PTPRQ: variants seen among roughly 807,000 people sequenced by gnomAD.
The protein encoded by PTPRQ is phosphatidylinositol phosphatase PTPRQ.
In PTPRQ, 199 loss-of-function variants were observed where a neutral mutation model predicts 246.0. The observed-to-expected ratio is 0.81, with a 90% CI of 0.72 to 0.91. The LOEUF (loss-of-function observed/expected upper bound fraction) is 0.91, where lower values mean the gene tolerates loss of function less well. PTPRQ is among the 40% of genes least tolerant of loss of function. The probability of loss-of-function intolerance (pLI) is 0.00; values close to 1 mark genes in which losing one functional copy is unlikely to be tolerated. For synonymous variants in PTPRQ, 869 were observed against 853.2 expected (o/e 1.02, Z -0.32); for missense variants, 2,624 against 2,528.4 (o/e 1.04, Z -0.81).
chr12:80,616,108 C>A, intron 29 of PTPRQ, 92 bp from the exon 30 acceptor site: 1 of 667,860 alleles, frequency 1.5e-6, no homozygotes, highest in Non-Finnish European at 2.0e-6. Context: ...TATATATATA[C>A]ATACATATAT....
In PTPRQ at chr12:80,480,987, C is replaced by T. The variant is rs1440757498; in HGVS notation, c.1187-3446C>T. Among the ~76,000 whole-genome samples the T allele has an allele frequency of 3.3e-5, 5 of 152,048 alleles. No homozygotes were observed. In the South Asian group the frequency reaches 6.2e-4, roughly 19 times the overall value. ...CCATTCCTTCTGAAACTATTCCAAT[C>T]AATAGAAAAAGAGGGAATCCTCCCT... On this transcript the variant is annotated intron_variant, in intron 8 of 44. Transcript: ENST00000644991.
At chr12:80,513,704 C>T (rs1026541264) in intron 17 of PTPRQ, among the ~76,000 whole-genome samples, 1 of 152,082 alleles carries the variant, frequency 6.6e-6, no homozygotes, top group African/African-American at 2.4e-5. Context: ...TCGTGAGAAA[C>T]GTCACCTGAC....
At chr12:80,470,424 G>C (rs144268101) in intron 7 of PTPRQ, among the ~76,000 whole-genome samples, 1 of 152,300 alleles carries the variant, frequency 6.6e-6, no homozygotes, top group African/African-American at 2.4e-5. Context: ...TATTAGTTGG[G>C]AGTGAAGATA....
At position 80,510,355 on chromosome 12, in the gene PTPRQ, A is replaced by G. The variant is rs1895087722; in HGVS notation, c.2590A>G (p.Lys864Glu). 6.5e-7 allele frequency: 1 copy of G among 1,550,084 alleles called. No individual in the cohort carries two copies. Among genetic ancestry groups the G allele is most frequent in the Non-Finnish European group, 8.7e-7 (1 of 1,145,922 alleles). ...TTCTCCCCCTCAAGACTTCTCTGTA[A>G]AACAGTTGTCTGGTGTCACGGTGAA... ...PDSPPQDFSV[K>E]QLSGVTVKLS... The change falls in exon 17 of 45, where the codon AAA becomes GAA. Residue 864 changes from lysine (K) to glutamate (E), a missense_variant. Coordinates refer to ENST00000644991, the MANE Select transcript of PTPRQ (RefSeq NM_001145026.2).
At chr12:80,494,821 A>T in intron 10 of PTPRQ, 112 bp from the exon 11 acceptor site, 1 of 1,117,594 alleles carries the variant, frequency 8.9e-7, no homozygotes, top group East Asian at 2.6e-5. Context: ...GCATGGAGAG[A>T]TTAATGAATA....
chr12:80,615,677 A>G (rs888555599), intron 29 of PTPRQ, among the ~76,000 whole-genome samples: 1 of 151,136 alleles, frequency 6.6e-6, no homozygotes, highest in African/African-American at 2.4e-5. Flanking sequence ...GATTTAATAC[A>G]GGAAAACTGG....
At chr12:80,626,324 TA>T (rs1414882966) in intron 33 of PTPRQ, among the ~76,000 whole-genome samples, 11 of 152,200 alleles carry the variant, frequency 7.2e-5, no homozygotes, top group African/African-American at 2.7e-4. Flanking sequence ...GTTAGTTACT[TA>T]AAAAATTATT....
chr12:80,483,738 C>A (rs537558854), intron 8 of PTPRQ, among the ~76,000 whole-genome samples: 5 of 151,896 alleles, frequency 3.3e-5, no homozygotes, highest in Non-Finnish European at 7.4e-5. Flanking sequence ...TCCCCTAGCC[C>A]CCCACCCACC....
intron 25 of PTPRQ, among the ~76,000 whole-genome samples, chr12:80,550,705 G>GA (rs548907099): frequency 1.3e-5 from 2 of 151,918 alleles, no homozygotes; most frequent in Admixed American, 6.6e-5. Context: ...ATATTTCTAG[G>GA]AAAAAATAGA....
At chr12:80,621,495 C>CT (rs1168077494) in intron 32 of PTPRQ, among the ~76,000 whole-genome samples, 1 of 151,752 alleles carries the variant, frequency 6.6e-6, no homozygotes, top group Middle Eastern at 3.2e-3. Flanking sequence ...ATCTTAGATT[C>CT]TTTTTGTAAT....
Position 80,676,293 on chromosome 12 carries a change from A to ACTG in PTPRQ, c.6739-2308_6739-2306dup. Among the ~76,000 whole-genome samples the ACTG allele has an allele frequency of 1.3e-5, 2 of 152,276 alleles. 1 individual carries two copies. The highest frequency in any genetic ancestry group is 2.9e-5 in the Non-Finnish European group (2 of 68,008). On this transcript the variant is annotated intron_variant, in intron 43 of 44. Transcript: ENST00000644991. ...CAGCAATATACTGCCACTAAAAGGC[A>ACTG]CTGAGGTGTATAGCCCTTACCCAGG...
intron 25 of PTPRQ, among the ~76,000 whole-genome samples, chr12:80,554,485 T>A (rs770131913): frequency 4.0e-4 from 61 of 152,172 alleles, no homozygotes; most frequent in Admixed American, 2.0e-3. Flanking sequence ...CCAGAGCTCT[T>A]CCAAGCTCCA....
chr12:80,452,162 T>C (rs1423258082), intron 3 of PTPRQ, among the ~76,000 whole-genome samples: 2 of 130,226 alleles, frequency 1.5e-5, no homozygotes, highest in Non-Finnish European at 3.2e-5. Flanking sequence ...TTAAAGTCTG[T>C]TTTATCAGAG....
rs377516998 is a variant in PTPRQ, at chr12:80,619,651, TG to T, written c.5389+110del. The T allele has an allele frequency of 3.2e-4, 263 of 823,184 alleles. 1 individual carries two copies. The African/African-American group carries it at 4.2e-3, about 13-fold the overall frequency. 51.0% of individuals were successfully genotyped at this position (823,184 alleles called of 1,614,324 possible). On this transcript the variant is annotated intron_variant, in intron 31 of 44. Transcript: ENST00000644991. ...TGACTCCCAGTTATCACACACCTCT[TG>T]AGATTAATAGATTGTCAATATTATT...
intron 25 of PTPRQ, among the ~76,000 whole-genome samples, chr12:80,563,544 C>A (rs1180860010): frequency 1.3e-5 from 2 of 152,164 alleles, no homozygotes; most frequent in African/African-American, 4.8e-5. Flanking sequence ...CAGACCAAAG[C>A]AGTTTTCTTT....
chr12:80,658,115 T>G (rs918117992), intron 39 of PTPRQ, 54 bp downstream of exon 39: 4 of 1,101,016 alleles, frequency 3.6e-6, no homozygotes, highest in Non-Finnish European at 4.8e-6. Flanking sequence ...TTACTGAAAT[T>G]GTATTATCTT....
intron 33 of PTPRQ, among the ~76,000 whole-genome samples, chr12:80,629,452 A>C (rs1313866088): frequency 2.6e-5 from 4 of 152,182 alleles, no homozygotes; most frequent in Non-Finnish European, 4.4e-5. Context: ...CAAGGCATAC[A>C]CACCTTTGCA....
chr12:80,512,539 T>A (rs1895153645), intron 17 of PTPRQ: 1 of 152,314 alleles, frequency 6.6e-6, no homozygotes, highest in Admixed American at 6.5e-5. Flanking sequence ...CAATGTACAT[T>A]ACACCACCTC....
chr12:80,472,792 A>G (rs1893682319), intron 8 of PTPRQ, among the ~76,000 whole-genome samples: 2 of 152,172 alleles, frequency 1.3e-5, no homozygotes, highest in Non-Finnish European at 2.9e-5. Flanking sequence ...ATTAAACATC[A>G]TTGTTTTAGG....
Sources: allele counts gnomAD v4.1 joint callset (sites outside exome capture counted in the v4.1 genomes callset), GRCh38; gene constraint gnomAD v4.1.1; transcripts MANE v1.5; gene names NCBI Gene and HGNC (gene_info 2026-07-23, HGNC 2026-07-21).